NELFB: variants seen among roughly 807,000 people sequenced by gnomAD.
NELFB encodes negative elongation factor complex member B.
In NELFB, 34 loss-of-function variants were observed where a neutral mutation model predicts 60.2. The ratio of observed to expected loss-of-function variants is 0.56; its 90% CI spans 0.43 to 0.75. The LOEUF (loss-of-function observed/expected upper bound fraction) is 0.75, where lower values mean the gene tolerates loss of function less well. Ranked by LOEUF, NELFB falls within the 30% of genes least tolerant of loss-of-function variation. The probability of loss-of-function intolerance (pLI) is 0.00; values close to 1 mark genes in which losing one functional copy is unlikely to be tolerated. For synonymous variants in NELFB, 459 were observed against 382.1 expected, an observed-to-expected ratio of 1.20 and a Z score of -2.35; for missense variants, 770 against 831.6, an observed-to-expected ratio of 0.93 and a Z score of 0.91.
Position 137,272,145 on chromosome 9 carries a change from G to A in NELFB, c.1554G>A (p.Ala518=), listed in dbSNP as rs61751916. 42,559 of 1,614,218 alleles carry A rather than the reference G, an allele frequency of 0.026. 700 individuals carry two copies. Among genetic ancestry groups the A allele is most frequent in the Admixed American group, 0.06 (3,626 of 60,028 alleles). The change falls in exon 11 of 13, where the codon GCG becomes GCA. Residue 518 remains alanine (A), a synonymous_variant. Transcript: ENST00000343053. ...TCCACCTGCTCACGGGCAACCTTGC[G>A]CTGCTGGCCGACGAATTTGCCCTTG...
chr9:137,263,783 C>G (rs1032611762), intron 5 of NELFB, among the ~76,000 whole-genome samples: 1 of 152,112 alleles, frequency 6.6e-6, no homozygotes, highest in Non-Finnish European at 1.5e-5. Flanking sequence ...GGACCTTGAC[C>G]ATTGCCCCAG....
Position 137,272,942 on chromosome 9 carries a change from C to A in NELFB, c.*14C>A. ...GCCCCGCTCTGAGGGCCCTCCAGAC[C>A]TGCTCGGGTGCTGGGGCCATGCCGA... On this transcript the variant is annotated 3_prime_UTR_variant, in exon 13 of 13. Transcript: ENST00000343053. The A allele has an allele frequency of 6.7e-7, 1 of 1,500,328 alleles. No homozygotes were observed. The highest frequency in any genetic ancestry group is 8.9e-7 in the Non-Finnish European group (1 of 1,120,490). 92.9% of individuals were successfully genotyped at this position (1,500,328 alleles called of 1,614,324 possible).
At chr9:137,270,813 G>A (rs1306179419) in intron 10 of NELFB, among the ~76,000 whole-genome samples, 3 of 152,066 alleles carry the variant, frequency 2.0e-5, no homozygotes, top group Non-Finnish European at 4.4e-5. Context: ...CCCAGCTGAG[G>A]GAGGCTGAGG....
chr9:137,262,605 A>G (rs1830463662), intron 4 of NELFB, among the ~76,000 whole-genome samples: 1 of 152,220 alleles, frequency 6.6e-6, no homozygotes, highest in Admixed American at 6.5e-5. Context: ...TAATATAACT[A>G]TTCTTGCATA....
At chr9:137,267,115 G>T (rs1362047996) in intron 9 of NELFB, 29 bp downstream of exon 9, 2 of 1,613,604 alleles carry the variant, frequency 1.2e-6, no homozygotes, top group Non-Finnish European at 8.5e-7. Context: ...TGGTGCAGGG[G>T]TGGCCGTGGC....
intron 10 of NELFB, 57 bp downstream of exon 10, chr9:137,267,403 A>G: frequency 6.6e-7 from 1 of 1,506,842 alleles, no homozygotes; most frequent in South Asian, 1.2e-5. Context: ...TGCCGTATGC[A>G]GTCCTGCCCA....
At chr9:137,256,576 C>T in intron 3 of NELFB, 148 bp downstream of exon 3, 1 of 798,166 alleles carries the variant, frequency 1.3e-6, no homozygotes, top group Admixed American at 2.5e-5. Context: ...GTGCTGACTT[C>T]TCCCACATGA....
In NELFB at chr9:137,255,416, C is replaced by A; in HGVS notation, c.51C>A (p.Gly17=). 1.8e-6 allele frequency: 2 copies of A among 1,111,724 alleles called. No homozygotes were observed. Among genetic ancestry groups the A allele is most frequent in the Non-Finnish European group, 2.4e-6 (2 of 844,970 alleles). 68.9% of individuals were successfully genotyped at this position (1,111,724 alleles called of 1,614,324 possible). A position where few individuals can be genotyped will look rare whatever the true frequency, so the allele number is the denominator to read the frequency against. Reference sequence around the variant, plus strand: ...AGCGGGGCTCGGGCGGTCCCCGAGGCCCGGCGGAGCGGGCTTCTGGGGTGT... The same window carrying A: ...AGCGGGGCTCGGGCGGTCCCCGAGGACCGGCGGAGCGGGCTTCTGGGGTGT... The change falls in exon 1 of 13, where the codon GGC becomes GGA. Residue 17 remains glycine (G), a synonymous_variant. Transcript: ENST00000343053.
At position 137,267,232 on chromosome 9, in the gene NELFB, G is replaced by C; in HGVS notation, c.1383-8G>C. The stretch of plus-strand genomic sequence containing the variant: ...GCTGAGGTGGGGCTGATGGCGCCCC[G>C]GGCGCAGGTTTCTGCAGGAGCAGCG... On this transcript the variant is annotated splice_region_variant and splice_polypyrimidine_tract_variant and intron_variant, in intron 9 of 12. Transcript: ENST00000343053. The C allele has an allele frequency of 5.0e-6, 8 of 1,610,282 alleles. No individual in the cohort carries two copies. The highest frequency in any genetic ancestry group is 6.8e-6 in the Non-Finnish European group (8 of 1,177,784).
At position 137,256,896 on chromosome 9, in the gene NELFB, C is replaced by T; in HGVS notation, c.583C>T (p.Arg195Trp). 6.2e-7 allele frequency: 1 copy of T among 1,614,206 alleles called. No homozygotes were observed. ...TCGAGCCTGCGCCGTGGAGGTGAAG[C>T]GGCAGATCTGGCAAGACAACCAGGC... Residue 195 changes from arginine (R) to tryptophan (W), a missense_variant, in exon 4 of 13, where the codon CGG becomes TGG. Coordinates refer to ENST00000343053, the MANE Select transcript of NELFB (RefSeq NM_015456.5).
At position 137,272,558 on chromosome 9, in the gene NELFB, C is replaced by T. The variant is rs1369229746; in HGVS notation, c.1683C>T (p.Pro561=). The stretch of plus-strand genomic sequence containing the variant: ...TGCGGCTCCTCATTCACCTGCACCC[C>T]AGGGTGGCCCCGTCTAAGCTGGAGG... The change falls in exon 12 of 13, where the codon CCC becomes CCT. Residue 561 remains proline (P), a synonymous_variant. Transcript: ENST00000343053. The T allele has an allele frequency of 1.9e-6, 3 of 1,612,122 alleles. No individual in the cohort carries two copies. The highest frequency in any genetic ancestry group is 2.2e-5 in the East Asian group (1 of 44,854).
intron 9 of NELFB, 31 bp from the exon 10 acceptor site, chr9:137,267,209 T>G: frequency 6.4e-7 from 1 of 1,556,044 alleles, no homozygotes; most frequent in Non-Finnish European, 8.9e-7. Flanking sequence ...GAGGTGGGGC[T>G]GAGGTGGGGC....
chr9:137,256,224 T>A, intron 2 of NELFB, 105 bp from the exon 3 acceptor site: 1 of 1,366,686 alleles, frequency 7.3e-7, no homozygotes, highest in Non-Finnish European at 1.0e-6. Context: ...CCATGTGTCC[T>A]GGGCGTGGAG....
chr9:137,272,993 G>A lies in NELFB; in HGVS notation c.*65G>A. The A allele has an allele frequency of 2.1e-6, 3 of 1,442,896 alleles. No individual in the cohort carries two copies. The highest frequency in any genetic ancestry group is 1.4e-5 in the South Asian group (1 of 69,360). 89.4% of individuals were successfully genotyped at this position (1,442,896 alleles called of 1,614,324 possible). On this transcript the variant is annotated 3_prime_UTR_variant, in exon 13 of 13. Coordinates refer to ENST00000343053, the MANE Select transcript of NELFB (RefSeq NM_015456.5). ...GTCGCGGCCCTGCTCAGCCGGAAGA[G>A]GCTCCCGGACCTGGATGTACAGGGC...
intron 7 of NELFB, among the ~76,000 whole-genome samples, 175 bp downstream of exon 7, chr9:137,266,154 G>A (rs982809891): frequency 2.6e-5 from 4 of 152,282 alleles, no homozygotes; most frequent in African/African-American, 9.6e-5. Context: ...CCAGGTAGAG[G>A]CGTGTGCTTC....
chr9:137,256,167 C>G, intron 2 of NELFB, 97 bp downstream of exon 2: 1 of 1,444,972 alleles, frequency 6.9e-7, no homozygotes, highest in African/African-American at 1.4e-5. Context: ...GCTCCACATC[C>G]TTGCTCCCAG....
At chr9:137,263,003 C>T (rs370104581) in intron 4 of NELFB, 34 bp from the exon 5 acceptor site, 13 of 1,598,840 alleles carry the variant, frequency 8.1e-6, no homozygotes, top group Admixed American at 1.7e-5. Flanking sequence ...GAGCCCAGGA[C>T]GGTCTGGGGG....
chr9:137,261,343 AAAAAAAAAAAAAAGT>A (rs1419852145), intron 4 of NELFB, among the ~76,000 whole-genome samples: 1 of 147,546 alleles, frequency 6.8e-6, no homozygotes, highest in African/African-American at 2.5e-5. Flanking sequence ...CGGTTTCAAA[AAAAAAAAAAAAAAGT>A]AAAAAAAAAA....
chr9:137,260,461 T>A (rs1384899526), intron 4 of NELFB, among the ~76,000 whole-genome samples: 4 of 148,996 alleles, frequency 2.7e-5, no homozygotes, highest in Non-Finnish European at 6.0e-5. Context: ...TGTTTTATTT[T>A]TTTTTTTTTG....
Sources: allele counts gnomAD v4.1 joint callset (sites outside exome capture counted in the v4.1 genomes callset), GRCh38; gene constraint gnomAD v4.1.1; transcripts MANE v1.5; gene names NCBI Gene and HGNC (gene_info 2026-07-23, HGNC 2026-07-21).